Variants in ACSM3 observed in about 807,000 individuals in gnomAD.
The protein encoded by ACSM3 is acyl-CoA synthetase medium chain family member 3, also known as acyl-coenzyme A synthetase ACSM3, mitochondrial.
Under a neutral mutation model 74.1 loss-of-function variants are expected in ACSM3, and 61 were observed. That is an observed-to-expected ratio of 0.82 (90% CI 0.67 to 1.02). The LOEUF (loss-of-function observed/expected upper bound fraction) is 1.02. Among genes scored for constraint, ACSM3 ranks in the 50% least tolerant of loss-of-function variants. The pLI is 0.00. For synonymous variants in ACSM3, 213 were observed against 241.5 expected (o/e 0.88, Z 1.09); for missense variants, 660 against 697.0 (o/e 0.95, Z 0.60).
intron 1 of ACSM3, among the ~76,000 whole-genome samples, chr16:20,717,965 A>AGAAGAG: frequency 1.2e-5 from 1 of 85,082 alleles, no homozygotes; most frequent in South Asian, 4.0e-4. Flanking sequence ...AGGAAGAAGA[A>AGAAGAG]GAAGAAGAAG....
intron 1 of ACSM3, among the ~76,000 whole-genome samples, chr16:20,700,685 T>C (rs1436798476): frequency 9.2e-5 from 14 of 151,888 alleles, no homozygotes; most frequent in Admixed American, 9.2e-4. Flanking sequence ...CTATTCTAAG[T>C]GCAATGGGTG....
At chr16:20,785,143 C>T (rs1567358058) in intron 8 of ACSM3, 36 bp downstream of exon 8, 2 of 1,609,262 alleles carry the variant, frequency 1.2e-6, no homozygotes, top group Non-Finnish European at 1.7e-6. Context: ...AGCTGGATTC[C>T]ATTTAGTCAG....
chr16:20,786,886 C>T (rs1465729635), intron 9 of ACSM3, among the ~76,000 whole-genome samples: 1 of 152,188 alleles, frequency 6.6e-6, no homozygotes, highest in Admixed American at 6.5e-5. Context: ...CAACACTGGT[C>T]CTCTCAGGCA....
chr16:20,751,822 T>C (rs2079990951), intron 2 of ACSM3, among the ~76,000 whole-genome samples: 1 of 152,222 alleles, frequency 6.6e-6, no homozygotes, highest in Admixed American at 6.5e-5. Flanking sequence ...TATTGACATG[T>C]TCATTGTCAA....
At chr16:20,782,563 A>T (rs1489005586) in intron 7 of ACSM3, among the ~76,000 whole-genome samples, 1 of 152,186 alleles carries the variant, frequency 6.6e-6, no homozygotes, top group Non-Finnish European at 1.5e-5. Context: ...ATTCTCCAAC[A>T]TCAGTTGAGT....
chr16:20,701,714 A>C (rs540497387), intron 1 of ACSM3, among the ~76,000 whole-genome samples: 1 of 151,948 alleles, frequency 6.6e-6, no homozygotes, highest in East Asian at 1.9e-4. Context: ...CTTGACAGGC[A>C]CTGGTGTGTG....
chr16:20,734,523 G>A (rs915139674), intron 1 of ACSM3: 3 of 152,148 alleles, frequency 2.0e-5, no homozygotes, highest in Non-Finnish European at 2.9e-5. Flanking sequence ...ACATTCCCAT[G>A]TTCACTAGCC....
Position 20,682,286 on chromosome 16 carries a change from TC to T in ACSM3, c.-190+7465del, listed in dbSNP as rs950231230. ...CAGCGATCGGAAGTCCAGCCACCCT[TC>T]ACGGCTGTGATCAGACACCAGGAGC... On this transcript the variant is annotated intron_variant, in intron 1 of 3. Transcript: ENST00000561584. 2.5e-6 allele frequency: 4 copies of T among 1,613,466 alleles called. No homozygotes were observed. The African/African-American group carries it at 5.3e-5, about 22-fold the overall frequency.
chr16:20,794,451 A>G (rs1301059807), intron 12 of ACSM3, among the ~76,000 whole-genome samples: 1 of 152,194 alleles, frequency 6.6e-6, no homozygotes, highest in Non-Finnish European at 1.5e-5. Flanking sequence ...ATCACTTGAA[A>G]TGTGGCTAGT....
At chr16:20,729,395 C>CA in intron 1 of ACSM3, 3 of 1,174,468 alleles carry the variant, frequency 2.6e-6, no homozygotes, top group South Asian at 1.2e-5. Context: ...CAAGGATTGA[C>CA]AGGGGGGGAG....
intron 2 of ACSM3, among the ~76,000 whole-genome samples, chr16:20,751,124 T>C (rs963126322): frequency 6.6e-6 from 1 of 152,134 alleles, no homozygotes; most frequent in Non-Finnish European, 1.5e-5. Flanking sequence ...CTGTGCCCAG[T>C]TGGTGTCAGA....
chr16:20,779,019 G>A (rs1378601206), intron 4 of ACSM3, among the ~76,000 whole-genome samples: 1 of 152,140 alleles, frequency 6.6e-6, no homozygotes, highest in Non-Finnish European at 1.5e-5. Context: ...CCAAAGTGCT[G>A]GGATTACAGG....
At chr16:20,754,422 T>C (rs66885877) in intron 2 of ACSM3, among the ~76,000 whole-genome samples, 20,011 of 152,192 alleles carry the variant, frequency 0.13, 1,376 homozygotes, top group East Asian at 0.21. Flanking sequence ...GAATTTAAAA[T>C]AAAATGAAAT....
intron 1 of ACSM3, among the ~76,000 whole-genome samples, chr16:20,748,393 T>C (rs894973514): frequency 4.6e-5 from 7 of 152,196 alleles, no homozygotes; most frequent in Non-Finnish European, 8.8e-5. Context: ...CACACCATCC[T>C]GAGTTTAAAT....
chr16:20,755,836 A>G (rs902097664), intron 3 of ACSM3, among the ~76,000 whole-genome samples: 105 of 121,508 alleles, frequency 8.6e-4, no homozygotes, highest in Non-Finnish European at 1.4e-3. Context: ...TCCTGTGTCC[A>G]TGTGTTCTCA....
At chr16:20,722,461 T>C (rs2079789188) in intron 1 of ACSM3, among the ~76,000 whole-genome samples, 1 of 152,170 alleles carries the variant, frequency 6.6e-6, no homozygotes, top group African/African-American at 2.4e-5. Flanking sequence ...AAAACATTAG[T>C]ATTTCTCTAG....
Position 20,797,033 on chromosome 16 carries a change from C to A in ACSM3, c.*61C>A, listed in dbSNP as rs966392783. On this transcript the variant is annotated 3_prime_UTR_variant, in exon 14 of 14. Transcript: ENST00000289416. ...CATAGTATCTGTCAATCTCTAGAAA[C>A]CACAAGATGATGGAGAGGTCATAAA... The A allele has an allele frequency of 1.3e-6, 2 of 1,579,874 alleles. No individual in the cohort carries two copies. Among genetic ancestry groups the A allele is most frequent in the African/African-American group, 2.7e-5 (2 of 73,030 alleles).
At chr16:20,784,894 T>C (rs1057127766) in intron 7 of ACSM3, 90 bp from the exon 8 acceptor site, 37 of 1,441,128 alleles carry the variant, frequency 2.6e-5, no homozygotes, top group Non-Finnish European at 3.1e-5. Flanking sequence ...GACTAAAACA[T>C]TTTATATTGA....
intron 1 of ACSM3, among the ~76,000 whole-genome samples, chr16:20,723,380 A>G (rs1412164046): frequency 6.6e-6 from 1 of 152,010 alleles, no homozygotes; most frequent in Non-Finnish European, 1.5e-5. Context: ...ATGATTTATA[A>G]TCCTTTGGGT....
Sources: allele counts gnomAD v4.1 joint callset (sites outside exome capture counted in the v4.1 genomes callset), GRCh38; gene constraint gnomAD v4.1.1; transcripts MANE v1.5; gene names NCBI Gene and HGNC (gene_info 2026-07-23, HGNC 2026-07-21).